The following GNG12 variants were observed in gnomAD, a reference collection of about 807,000 sequenced individuals.
The protein encoded by GNG12 is G protein subunit gamma 12, also known as guanine nucleotide-binding protein G(I)/G(S)/G(O) subunit gamma-12.
For synonymous variants in GNG12, 28 were observed against 29.7 expected (o/e 0.94, Z 0.19); for missense variants, 69 against 83.8 (o/e 0.82, Z 0.69).
At position 67,790,521 on chromosome 1, in the gene GNG12, C is replaced by T. The variant is rs1435774630; in HGVS notation, c.-76-13014G>A. Among the ~76,000 whole-genome samples the T allele has an allele frequency of 2.5e-4, 38 of 152,154 alleles. 1 individual carries two copies. Among genetic ancestry groups the T allele is most frequent in the Admixed American group, 2.4e-3 (36 of 15,270 alleles). The stretch of plus-strand genomic sequence containing the variant: ...AGCCACTTCTGTGCCTATCCCTTTT[C>T]CTCAGATCCCCTGTTGGTGATGTAT... On this transcript the variant is annotated intron_variant, in intron 1 of 3. Transcript: ENST00000370982.
intron 1 of GNG12, among the ~76,000 whole-genome samples, chr1:67,811,555 C>T (rs539301435): frequency 6.6e-6 from 1 of 152,160 alleles, no homozygotes; most frequent in Non-Finnish European, 1.5e-5. Context: ...CCTGACTTGG[C>T]TATCTTACAT....
intron 1 of GNG12, among the ~76,000 whole-genome samples, chr1:67,780,785 G>A (rs879704620): frequency 6.6e-6 from 1 of 152,208 alleles, no homozygotes; most frequent in Non-Finnish European, 1.5e-5. Flanking sequence ...GAGCTTGGCA[G>A]ACTTGCTCAC....
chr1:67,798,194 A>G (rs1246841685), intron 1 of GNG12, among the ~76,000 whole-genome samples: 4 of 152,194 alleles, frequency 2.6e-5, no homozygotes, highest in African/African-American at 9.6e-5. Flanking sequence ...GAGCGGCAGG[A>G]AGCGAGCAGT....
intron 2 of GNG12, among the ~76,000 whole-genome samples, chr1:67,766,811 C>G (rs1189958632): frequency 6.6e-6 from 1 of 152,082 alleles, no homozygotes; most frequent in Non-Finnish European, 1.5e-5. Context: ...ATCTGGTGGT[C>G]AGGAAGATGC....
At chr1:67,752,894 C>G (rs1050223828) in intron 2 of GNG12, among the ~76,000 whole-genome samples, 1 of 152,166 alleles carries the variant, frequency 6.6e-6, no homozygotes, top group African/African-American at 2.4e-5. Flanking sequence ...TGTGTCCTTA[C>G]AAAAATCTCA....
At chr1:67,708,475 T>C (rs1646262778) in intron 2 of GNG12, among the ~76,000 whole-genome samples, 1 of 152,218 alleles carries the variant, frequency 6.6e-6, no homozygotes, top group Admixed American at 6.5e-5. Flanking sequence ...ATCCTATTAC[T>C]CCATCATATG....
intron 2 of GNG12, among the ~76,000 whole-genome samples, chr1:67,719,418 A>G (rs913133767): frequency 5.3e-5 from 8 of 152,180 alleles, no homozygotes; most frequent in African/African-American, 1.9e-4. Context: ...GGAGTTGTGC[A>G]CTAATGCCCT....
chr1:67,822,882 G>T (rs1468019117), intron 1 of GNG12, among the ~76,000 whole-genome samples: 2 of 152,040 alleles, frequency 1.3e-5, no homozygotes, highest in African/African-American at 4.8e-5. Flanking sequence ...GTTTTTGAAA[G>T]ATGAAAATTA....
chr1:67,756,604 G>A (rs1646570001), intron 2 of GNG12, among the ~76,000 whole-genome samples: 1 of 152,188 alleles, frequency 6.6e-6, no homozygotes, highest in African/African-American at 2.4e-5. Flanking sequence ...TTTTAACCTG[G>A]TGTGAGCATG....
chr1:67,829,955 T>C (rs142531740), intron 1 of GNG12, among the ~76,000 whole-genome samples: 1 of 151,572 alleles, frequency 6.6e-6, no homozygotes, highest in African/African-American at 2.4e-5. Context: ...TGACGTGCAT[T>C]AGGACAAAAA....
intron 1 of GNG12, among the ~76,000 whole-genome samples, chr1:67,784,689 G>A (rs534499897): frequency 1.3e-5 from 2 of 152,076 alleles, no homozygotes; most frequent in East Asian, 1.9e-4. Flanking sequence ...TCTTTATAGC[G>A]CACAGTAATC....
chr1:67,773,365 C>T (rs371479505), intron 2 of GNG12, among the ~76,000 whole-genome samples: 1 of 152,198 alleles, frequency 6.6e-6, no homozygotes, highest in Non-Finnish European at 1.5e-5. Flanking sequence ...TGATCCTGCA[C>T]TCCTGCTCAC....
chr1:67,706,725 G>A (rs564493021), intron 3 of GNG12, among the ~76,000 whole-genome samples: 2 of 150,136 alleles, frequency 1.3e-5, no homozygotes, highest in South Asian at 4.2e-4. Flanking sequence ...GCGCGATCTT[G>A]GTTCACTGCA....
chr1:67,726,237 A>G (rs1646384891), intron 2 of GNG12, among the ~76,000 whole-genome samples: 1 of 152,234 alleles, frequency 6.6e-6, no homozygotes, highest in Non-Finnish European at 1.5e-5. Flanking sequence ...ACAAATATTG[A>G]CATCTACTTC....
intron 2 of GNG12, among the ~76,000 whole-genome samples, chr1:67,723,645 A>G (rs1346232061): frequency 6.6e-6 from 1 of 152,168 alleles, no homozygotes; most frequent in African/African-American, 2.4e-5. Flanking sequence ...AAACAATGCT[A>G]TGAGGTTATT....
At chr1:67,737,382 T>C (rs947491868) in intron 2 of GNG12, among the ~76,000 whole-genome samples, 2 of 152,354 alleles carry the variant, frequency 1.3e-5, no homozygotes, top group Admixed American at 1.3e-4. Flanking sequence ...ACCTCATTTA[T>C]TGGCCTGAAG....
intron 2 of GNG12, among the ~76,000 whole-genome samples, chr1:67,715,818 T>C (rs547529893): frequency 6.6e-6 from 1 of 152,376 alleles, no homozygotes; most frequent in Non-Finnish European, 1.5e-5. Context: ...GATTCACAAT[T>C]GTTAAATCTG....
At chr1:67,784,517 TA>T (rs146094766) in intron 1 of GNG12, among the ~76,000 whole-genome samples, 4,300 of 151,050 alleles carry the variant, frequency 0.028, 203 homozygotes, top group African/African-American at 0.098. Context: ...CAATTTCTAT[TA>T]AAAAAAAAGA....
intron 1 of GNG12, among the ~76,000 whole-genome samples, chr1:67,793,121 T>C (rs1375400551): frequency 2.6e-5 from 4 of 152,176 alleles, no homozygotes; most frequent in African/African-American, 9.7e-5. Flanking sequence ...TCCTGTGTCT[T>C]TTCTCCTTTT....
Sources: gnomAD v4.1 joint callset for allele counts (sites outside exome capture counted in the v4.1 genomes callset) on GRCh38, gnomAD v4.1.1 for gene constraint, MANE v1.5 for transcripts, NCBI Gene and HGNC (gene_info 2026-07-23, HGNC 2026-07-21) for gene names.